Variants in GREB1L observed in about 807,000 individuals in gnomAD.
GREB1L encodes the protein GREB1 like retinoic acid receptor coactivator.
Under a neutral mutation model 200.8 loss-of-function variants are expected in GREB1L, and 17 were observed. The observed-to-expected ratio is 0.08, with a 90% CI of 0.06 to 0.13. The LOEUF is 0.13. Ranked by LOEUF, GREB1L falls within the 10% of genes least tolerant of loss-of-function variation. GREB1L has a pLI of 1.00. For missense variants in GREB1L, 1,657 were observed against 2,367.7 expected, an observed-to-expected ratio of 0.70 and a Z score of 6.23; for synonymous variants, 789 against 893.0, an observed-to-expected ratio of 0.88 and a Z score of 2.08.
At chr18:21,412,961 T>A (rs1279115089) in intron 7 of GREB1L, among the ~76,000 whole-genome samples, 1 of 151,888 alleles carries the variant, frequency 6.6e-6, no homozygotes, top group Non-Finnish European at 1.5e-5. Flanking sequence ...GTCTTCTGAG[T>A]TTTTCTGTTT....
intron 1 of GREB1L, among the ~76,000 whole-genome samples, chr18:21,254,940 C>T (rs1420390740): frequency 6.6e-6 from 1 of 152,126 alleles, no homozygotes; most frequent in African/African-American, 2.4e-5. Flanking sequence ...GTCAGCCAGT[C>T]ACTGACAAGG....
rs977923364 is a variant in GREB1L at position 21,280,430 on chromosome 18, G to C, written c.-120+38037G>C. ...TTACTGAATAATATTCCATGGTGTG[G>C]ATGTACCACAGTTTACCTATTCACC... On this transcript the variant is annotated intron_variant, in intron 1 of 32. Coordinates refer to ENST00000424526, the MANE Select transcript of GREB1L (RefSeq NM_001142966.3). Among the ~76,000 whole-genome samples the C allele has an allele frequency of 4.6e-5, 7 of 150,798 alleles. 1 individual carries two copies. Among genetic ancestry groups the C allele is most frequent in the African/African-American group, 1.7e-4 (7 of 40,892 alleles).
chr18:21,391,132 C>G (rs1038006183), intron 4 of GREB1L, among the ~76,000 whole-genome samples: 1 of 152,200 alleles, frequency 6.6e-6, no homozygotes, highest in Non-Finnish European at 1.5e-5. Flanking sequence ...CCTTCACATT[C>G]ACTCATTACT....
At chr18:21,423,176 G>A (rs142792006) in intron 7 of GREB1L, among the ~76,000 whole-genome samples, 63 of 152,168 alleles carry the variant, frequency 4.1e-4, no homozygotes, top group African/African-American at 1.4e-3. Context: ...TGATTTGCCC[G>A]CCTGAGCCTC....
chr18:21,434,485 G>GTATATATA (rs759371210), intron 7 of GREB1L, among the ~76,000 whole-genome samples: 70 of 107,710 alleles, frequency 6.5e-4, no homozygotes, highest in African/African-American at 2.6e-3. Context: ...AAAAAAAATA[G>GTATATATA]TATATATATA....
At chr18:21,491,844 T>C (rs1189427686) in intron 19 of GREB1L, among the ~76,000 whole-genome samples, 1 of 152,032 alleles carries the variant, frequency 6.6e-6, no homozygotes, top group Non-Finnish European at 1.5e-5. Flanking sequence ...ACAAATAAAA[T>C]TGTCCAAAAA....
In GREB1L at chr18:21,460,096, G is replaced by A. The variant is rs149164215; in HGVS notation, c.2182+5533G>A. On this transcript the variant is annotated intron_variant, in intron 15 of 32. Coordinates refer to ENST00000424526, the MANE Select transcript of GREB1L (RefSeq NM_001142966.3). ...CACACATATACAACATGTTCTCACT[G>A]TGTGGGGAAAAATCAACCTTTCCAG... Among the ~76,000 whole-genome samples the A allele has an allele frequency of 2.0e-4, 31 of 152,312 alleles. No homozygotes were observed. The Middle Eastern group carries it at 0.01, about 50-fold the overall frequency.
chr18:21,289,246 C>T (rs1173647097), intron 1 of GREB1L, among the ~76,000 whole-genome samples: 1 of 152,050 alleles, frequency 6.6e-6, no homozygotes, highest in Non-Finnish European at 1.5e-5. Context: ...CAGAGAGGAT[C>T]TTCTGTAAAG....
At chr18:21,446,081 G>A (rs765508628) in intron 11 of GREB1L, among the ~76,000 whole-genome samples, 20 of 152,266 alleles carry the variant, frequency 1.3e-4, no homozygotes, top group Non-Finnish European at 1.9e-4. Context: ...CTGGAGTGCA[G>A]TGGTGCGATC....
At chr18:21,433,665 C>T (rs1234599035) in intron 7 of GREB1L, among the ~76,000 whole-genome samples, 4 of 152,136 alleles carry the variant, frequency 2.6e-5, no homozygotes, top group Non-Finnish European at 4.4e-5. Flanking sequence ...AGTGGGGGAC[C>T]ATTTCATTCT....
chr18:21,395,484 A>T lies in GREB1L; in HGVS notation c.455A>T (p.Asn152Ile). The T allele has an allele frequency of 6.4e-7, 1 of 1,551,324 alleles. No individual in the cohort carries two copies. The highest frequency in any genetic ancestry group is 8.7e-7 in the Non-Finnish European group (1 of 1,146,666). ...CTCCTGGTGGGGGCCAAGTCTCCCA[A>T]TCTGCCTGAACACATCCTAGTTTGT... ...GFLLVGAKSP[N>I]LPEHILVCAV... Residue 152 changes from asparagine (N) to isoleucine (I), a missense_variant, in exon 5 of 33, where the codon AAT becomes ATT. Around this residue, in one of 9 missense-constraint regions of GREB1L, gnomAD observed 70 missense variants for 151.3 expected, o/e 0.46. Coordinates refer to ENST00000424526, the MANE Select transcript of GREB1L (RefSeq NM_001142966.3).
At chr18:21,397,348 C>A (rs1181138654) in intron 5 of GREB1L, among the ~76,000 whole-genome samples, 2 of 151,416 alleles carry the variant, frequency 1.3e-5, no homozygotes, top group Non-Finnish European at 2.9e-5. Context: ...CCCGTCTCTA[C>A]TAAAAAAAAC....
At chr18:21,449,402 T>C (rs531008562) in intron 11 of GREB1L, 108 bp from the exon 12 acceptor site, 4 of 616,970 alleles carry the variant, frequency 6.5e-6, no homozygotes, top group Admixed American at 3.4e-5. Flanking sequence ...TATTTTCTAG[T>C]TGGAGTATGT....
intron 1 of GREB1L, among the ~76,000 whole-genome samples, chr18:21,248,937 GA>G (rs1435670413): frequency 1.3e-5 from 2 of 151,734 alleles, no homozygotes; most frequent in African/African-American, 4.9e-5. Flanking sequence ...CTTTGATTTG[GA>G]AATTTCCCTT....
At chr18:21,261,135 G>A (rs536545019) in intron 1 of GREB1L, among the ~76,000 whole-genome samples, 20 of 152,072 alleles carry the variant, frequency 1.3e-4, no homozygotes, top group East Asian at 9.6e-4. Flanking sequence ...ACCTATGTAT[G>A]ACACACACAT....
In GREB1L at chr18:21,476,646, C is replaced by T. The variant is rs143331759; in HGVS notation, c.2364-518C>T. ...GCACAGTGGCGTGATTTCTGCTCAC[C>T]GCCACCTCCTCCTCCTGGTTCAAGC... On this transcript the variant is annotated intron_variant, in intron 16 of 32. Transcript: ENST00000424526. 4.1e-3 allele frequency among the ~76,000 whole-genome samples: 630 copies of T among 151,912 alleles called. 7 individuals are homozygous for T. The highest frequency in any genetic ancestry group is 0.014 in the African/African-American group (582 of 41,412).
intron 1 of GREB1L, among the ~76,000 whole-genome samples, chr18:21,297,052 A>C (rs1280704180): frequency 6.6e-6 from 1 of 152,090 alleles, no homozygotes; most frequent in African/African-American, 2.4e-5. Flanking sequence ...GAGTCTCTTT[A>C]CGTAGAATGT....
chr18:21,479,727 A>G (rs1279349207), intron 17 of GREB1L, among the ~76,000 whole-genome samples: 1 of 152,074 alleles, frequency 6.6e-6, no homozygotes, highest in Non-Finnish European at 1.5e-5. Flanking sequence ...TTTAAGGTTT[A>G]ATAATGGTAT....
intron 1 of GREB1L, among the ~76,000 whole-genome samples, chr18:21,302,365 T>G (rs1384805965): frequency 2.0e-5 from 3 of 152,226 alleles, no homozygotes; most frequent in African/African-American, 7.2e-5. Flanking sequence ...GTTTTATATC[T>G]AATTGGCTTT....
Sources: allele counts gnomAD v4.1 joint callset (sites outside exome capture counted in the v4.1 genomes callset), GRCh38; gene constraint gnomAD v4.1.1; regional missense constraint gnomAD v4.1.1; transcripts MANE v1.5; gene names NCBI Gene and HGNC (gene_info 2026-07-23, HGNC 2026-07-21).